CFAP58: variants seen among roughly 807,000 people sequenced by gnomAD.
CFAP58 encodes cilia and flagella associated protein 58.
A neutral mutation model predicts 119.5 loss-of-function variants in CFAP58; 88 were observed. That is an observed-to-expected ratio of 0.74 (90% CI 0.62 to 0.88). CFAP58 has a LOEUF of 0.88. Ranked by LOEUF, CFAP58 falls within the 40% of genes least tolerant of loss-of-function variation. CFAP58 has a pLI of 0.00. For synonymous variants in CFAP58, 365 were observed against 366.3 expected (o/e 1.00, Z 0.04); for missense variants, 990 against 1,021.2 (o/e 0.97, Z 0.42).
chr10:104,353,633 C>A (rs2014496354), upstream of CFAP58: 2 of 481,006 alleles, frequency 4.2e-6, no homozygotes, highest in South Asian at 6.6e-5. Context: ...TCCTTGGCTC[C>A]GCCCCATTGG....
chr10:104,342,913 C>T, the CFAP58 span, among the ~76,000 whole-genome samples: 7 of 150,574 alleles, frequency 4.6e-5, no homozygotes, highest in Non-Finnish European at 1.0e-4. Context: ...GAGCTTCACA[C>T]CACATCTCAC....
chr10:104,435,815 C>T (rs2012924715), intron 15 of CFAP58, among the ~76,000 whole-genome samples: 1 of 152,184 alleles, frequency 6.6e-6, no homozygotes, highest in Non-Finnish European at 1.5e-5. Context: ...GATTCTTCTG[C>T]ATTCTGGGCT....
At chr10:104,388,537 G>C (rs1215830090) in intron 9 of CFAP58, among the ~76,000 whole-genome samples, 1 of 152,100 alleles carries the variant, frequency 6.6e-6, no homozygotes, top group Non-Finnish European at 1.5e-5. Flanking sequence ...CGCAAGCCAG[G>C]GCGCATAGTT....
rs146338021 is a variant in CFAP58, at chr10:104,368,519, C to A, written c.889C>A (p.Gln297Lys). 1.2e-6 allele frequency: 2 copies of A among 1,613,956 alleles called. No individual in the cohort carries two copies. The highest frequency in any genetic ancestry group is 3.3e-5 in the Admixed American group (2 of 59,992). ...ENEQHSLVCEQLSQENQQKAL... is the reference protein window; with the variant it reads ...ENEQHSLVCEKLSQENQQKAL... ...TGAACAGCACAGTTTGGTCTGTGAG[C>A]AGCTATCCCAGGAAAACCAACAGAA... is the stretch of plus-strand genomic sequence containing the variant. Residue 297 changes from glutamine to lysine, a missense_variant, in exon 6 of 18, where the codon CAG (glutamine) becomes AAG (lysine). By Grantham distance (53) the Gln-to-Lys change is moderately conservative (BLOSUM62 1). Transcript: ENST00000369704.
chr10:104,375,824 A>G (rs1031700023), intron 7 of CFAP58, among the ~76,000 whole-genome samples: 2 of 152,178 alleles, frequency 1.3e-5, no homozygotes, highest in East Asian at 3.9e-4. Context: ...AAATTTAAAC[A>G]TTTTCTGATT....
intron 15 of CFAP58, among the ~76,000 whole-genome samples, chr10:104,411,082 G>A (rs575769969): frequency 6.6e-5 from 10 of 152,232 alleles, no homozygotes; most frequent in African/African-American, 2.4e-4. Flanking sequence ...TGGGATTACA[G>A]GCATCCACCA....
At chr10:104,392,639 CTTT>C (rs35863751) in intron 10 of CFAP58, among the ~76,000 whole-genome samples, 6 of 123,922 alleles carry the variant, frequency 4.8e-5, no homozygotes, top group Non-Finnish European at 1.7e-5. Flanking sequence ...CGTCTTTCTA[CTTT>C]TTTTTTTTTT....
chr10:104,452,270 A>G (rs938641772), intron 17 of CFAP58, among the ~76,000 whole-genome samples: 1 of 152,078 alleles, frequency 6.6e-6, no homozygotes, highest in Admixed American at 6.5e-5. Context: ...TAATAAATTA[A>G]TAGAATAGAA....
intron 14 of CFAP58, among the ~76,000 whole-genome samples, chr10:104,404,342 A>G (rs2012320959): frequency 1.3e-5 from 2 of 152,216 alleles, no homozygotes. Context: ...CTAAAGTCCC[A>G]TTGGTAGGGG....
In CFAP58 at chr10:104,370,973, T is replaced by C. The variant is rs1379785858; in HGVS notation, c.1009T>C (p.Leu337=). Residue 337 remains leucine (L), a synonymous_variant, in exon 7 of 18, where the codon TTG becomes CTG. Transcript: ENST00000369704. The part of the protein sequence containing the change: ...NKIREQIHKK[L]HHTEDQKAEV... ...AATCAGAGAACAAATTCATAAGAAA[T>C]TGCACCACACCGAAGATCAAAAGGC... 3 of 1,613,402 alleles carry C rather than the reference T, an allele frequency of 1.9e-6. No individual in the cohort carries two copies. Among genetic ancestry groups the C allele is most frequent in the Non-Finnish European group, 2.5e-6 (3 of 1,179,864 alleles).
chr10:104,355,257 G>C (rs1296228503), intron 1 of CFAP58, among the ~76,000 whole-genome samples: 6 of 151,968 alleles, frequency 3.9e-5, no homozygotes, highest in Non-Finnish European at 8.8e-5. Flanking sequence ...AGTCATCTTT[G>C]TTTATTTCAT....
intron 15 of CFAP58, among the ~76,000 whole-genome samples, chr10:104,440,189 G>A (rs948783383): frequency 2.0e-5 from 3 of 152,146 alleles, no homozygotes; most frequent in Admixed American, 6.5e-5. Flanking sequence ...GCATGCTAAC[G>A]TCTCCAGAGA....
At chr10:104,440,334 A>G (rs1490373723) in intron 15 of CFAP58, among the ~76,000 whole-genome samples, 1 of 118,070 alleles carries the variant, frequency 8.5e-6, no homozygotes, top group Non-Finnish European at 1.7e-5. Context: ...GGAATAGCCA[A>G]TTAAGTTGAA....
intron 15 of CFAP58, among the ~76,000 whole-genome samples, chr10:104,412,376 G>T (rs114534677): frequency 0.013 from 1,965 of 152,040 alleles, 52 homozygotes; most frequent in African/African-American, 0.044. Flanking sequence ...GGCCTCCAAA[G>T]TTTAATGTCC....
chr10:104,418,281 G>A (rs1442692780), intron 15 of CFAP58, among the ~76,000 whole-genome samples: 1 of 152,218 alleles, frequency 6.6e-6, no homozygotes. Context: ...GGGTGCGGTG[G>A]CTCACGCCTG....
In CFAP58 at chr10:104,386,599, C is replaced by T. The variant is rs149835841; in HGVS notation, c.1366-5634C>T. ...TGGCAGTTGAGGAGGCCCGTGTGCACGTAACTGTTACTTGTGTATGTCTGC... is the reference window on the plus strand; with the variant it reads ...TGGCAGTTGAGGAGGCCCGTGTGCATGTAACTGTTACTTGTGTATGTCTGC... On this transcript the variant is annotated intron_variant, in intron 9 of 17. Coordinates refer to ENST00000369704, the MANE Select transcript of CFAP58 (RefSeq NM_001008723.2). Among the ~76,000 whole-genome samples, 493 of 152,186 alleles carry T rather than the reference C, an allele frequency of 3.2e-3. 2 individuals carry two copies. The highest frequency in any genetic ancestry group is 0.011 in the African/African-American group (464 of 41,528).
At chr10:104,433,552 G>A (rs1290735722) in intron 15 of CFAP58, among the ~76,000 whole-genome samples, 1 of 152,166 alleles carries the variant, frequency 6.6e-6, no homozygotes, top group Admixed American at 6.5e-5. Flanking sequence ...TCAGATCAGG[G>A]AGTGACAGTG....
intron 2 of CFAP58, among the ~76,000 whole-genome samples, chr10:104,360,538 C>T (rs542869161): frequency 2.0e-5 from 3 of 151,916 alleles, no homozygotes; most frequent in East Asian, 1.9e-4. Context: ...CATAGGTAAA[C>T]GTGTGTCATG....
At chr10:104,396,809 G>T (rs1450460694) in intron 11 of CFAP58, among the ~76,000 whole-genome samples, 2 of 152,342 alleles carry the variant, frequency 1.3e-5, no homozygotes, top group East Asian at 3.9e-4. Flanking sequence ...AATGCATAGT[G>T]GTTGTTGCCA....
Sources: gnomAD v4.1 joint callset for allele counts (sites outside exome capture counted in the v4.1 genomes callset) on GRCh38, gnomAD v4.1.1 for gene constraint, MANE v1.5 for transcripts, NCBI Gene and HGNC (gene_info 2026-07-23, HGNC 2026-07-21) for gene names.